Variants in GPAM observed in about 807,000 individuals in gnomAD.
The protein encoded by GPAM is glycerol-3-phosphate acyltransferase, mitochondrial.
Under a neutral mutation model 105.0 loss-of-function variants are expected in GPAM, and 56 were observed. The observed-to-expected ratio is 0.53, with a 90% CI of 0.43 to 0.67. GPAM has a LOEUF of 0.67. GPAM is among the 30% of genes least tolerant of loss of function. The pLI is 0.00. For missense variants in GPAM, 855 were observed against 989.8 expected, an observed-to-expected ratio of 0.86 and a Z score of 1.83; for synonymous variants, 368 against 354.4, an observed-to-expected ratio of 1.04 and a Z score of -0.43.
At chr10:112,154,544 C>G in intron 21 of GPAM, 85 bp downstream of exon 21, 1 of 1,014,158 alleles carries the variant, frequency 9.9e-7, no homozygotes, top group Non-Finnish European at 1.6e-6. Flanking sequence ...GGGGTCCACC[C>G]CACCACAAAG....
chr10:112,161,619 A>C, intron 15 of GPAM, 48 bp downstream of exon 15: 1 of 1,477,656 alleles, frequency 6.8e-7, no homozygotes, highest in African/African-American at 1.4e-5. Context: ...CAGCTGACAA[A>C]ACATTCTCCT....
Position 112,163,769 on chromosome 10 carries a change from G to A in GPAM, c.1355C>T (p.Ser452Phe), listed in dbSNP as rs778165654. Reference sequence around the variant, plus strand: ...TAGGGATTCATCTGTTGCATTTCTGGACTCATTAATGGACGTGTCTCTACC... The same window carrying A: ...TAGGGATTCATCTGTTGCATTTCTGAACTCATTAATGGACGTGTCTCTACC... ...DEGRDTSINESRNATDESLRR... is the reference protein window; with the variant it reads ...DEGRDTSINEFRNATDESLRR... Residue 452 changes from serine to phenylalanine, a missense_variant, in exon 14 of 22, where the codon TCC (serine) becomes TTC (phenylalanine). Ser to Phe is a radical substitution (Grantham distance 155, BLOSUM62 -2). Coordinates refer to ENST00000348367, the MANE Select transcript of GPAM (RefSeq NM_001244949.2). 6.2e-7 allele frequency: 1 copy of A among 1,607,162 alleles called. No homozygotes were observed. The highest frequency in any genetic ancestry group is 1.1e-5 in the South Asian group (1 of 90,926).
the GPAM span, among the ~76,000 whole-genome samples, chr10:112,226,423 G>A: frequency 1.3e-5 from 2 of 152,142 alleles, no homozygotes; most frequent in African/African-American, 2.4e-5. Context: ...AATAGAAAAG[G>A]AGGCTCAGAA....
chr10:112,225,127 A>G, the GPAM span, among the ~76,000 whole-genome samples: 7 of 152,294 alleles, frequency 4.6e-5, no homozygotes, highest in African/African-American at 1.7e-4. Flanking sequence ...AATGGGGTGG[A>G]TGGCACCCCA....
intron 9 of GPAM, 110 bp downstream of exon 9, chr10:112,172,072 A>G (rs1482729424): frequency 1.2e-6 from 1 of 829,908 alleles, no homozygotes; most frequent in Non-Finnish European, 1.9e-6. Flanking sequence ...ATAAAAGAAA[A>G]AAGGCTAATG....
intron 1 of GPAM, among the ~76,000 whole-genome samples, chr10:112,191,785 G>A (rs1192793332): frequency 6.6e-6 from 1 of 152,182 alleles, no homozygotes; most frequent in African/African-American, 2.4e-5. Context: ...AGAAAAGAGT[G>A]GAGGCCAGAA....
chr10:112,181,984 AAC>A (rs1456687340), intron 2 of GPAM, among the ~76,000 whole-genome samples, 171 bp from the exon 3 acceptor site: 4 of 152,140 alleles, frequency 2.6e-5, no homozygotes, highest in African/African-American at 7.2e-5. Context: ...TGTTTATATG[AAC>A]ACAGTTAGGC....
At chr10:112,168,727 T>C in intron 10 of GPAM, 126 bp downstream of exon 10, 1 of 774,578 alleles carries the variant, frequency 1.3e-6, no homozygotes, top group South Asian at 1.5e-5. Context: ...ATTACCAAAC[T>C]CAAGCAATAA....
intron 1 of GPAM, among the ~76,000 whole-genome samples, chr10:112,194,265 G>A (rs1564688106): frequency 1.3e-5 from 2 of 152,168 alleles, no homozygotes; most frequent in Non-Finnish European, 2.9e-5. Flanking sequence ...CTAAACATTT[G>A]TGAACAGCTC....
chr10:112,186,583 G>T (rs763162034), upstream of GPAM, among the ~76,000 whole-genome samples: 1 of 152,012 alleles, frequency 6.6e-6, no homozygotes, highest in Non-Finnish European at 1.5e-5. Context: ...CTGTCACCCA[G>T]GCTGGAGTGC....
At chr10:112,165,039 A>T (rs1417146696) in intron 12 of GPAM, among the ~76,000 whole-genome samples, 1 of 152,186 alleles carries the variant, frequency 6.6e-6, no homozygotes, top group Non-Finnish European at 1.5e-5. Flanking sequence ...AAGCTATGTG[A>T]CCATTTAAAA....
Position 112,150,356 on chromosome 10 carries a change from T to C in GPAM, c.*3194A>G. ...ACCCCAATTCATCCATGTATTCTGA[T>C]ACGTTCAGTGAAAAAGCCAGGATCA... On this transcript the variant is annotated 3_prime_UTR_variant, in exon 22 of 22. Transcript: ENST00000348367. 3 of 985,236 alleles carry C rather than the reference T, an allele frequency of 3.0e-6. No homozygotes were observed. Among genetic ancestry groups the C allele is most frequent in the Non-Finnish European group, 3.6e-6 (3 of 829,334 alleles). The allele number at this position is 985,236 out of a possible 1,614,324, so 61.0% of individuals were successfully genotyped here.
chr10:112,164,141 T>G (rs1438996228), intron 13 of GPAM, among the ~76,000 whole-genome samples: 1 of 152,222 alleles, frequency 6.6e-6, no homozygotes. Context: ...AGGCTTCATA[T>G]TCAATTTCTC....
At chr10:112,168,276 G>T (rs748672823) in intron 11 of GPAM, 36 bp downstream of exon 11, 1 of 1,181,460 alleles carries the variant, frequency 8.5e-7, no homozygotes, top group South Asian at 1.2e-5. Flanking sequence ...TAAAAGACTT[G>T]ATAAGCAAAG....
intron 1 of GPAM, among the ~76,000 whole-genome samples, chr10:112,200,597 A>G (rs938410963): frequency 1.3e-5 from 2 of 152,030 alleles, no homozygotes; most frequent in Non-Finnish European, 2.9e-5. Context: ...CGGCTTTGTA[A>G]GGGAAATATT....
Position 112,151,221 on chromosome 10 carries a change from T to C in GPAM, c.*2329A>G, listed in dbSNP as rs1274454323. On this transcript the variant is annotated 3_prime_UTR_variant, in exon 22 of 22. Transcript: ENST00000348367. The stretch of plus-strand genomic sequence containing the variant: ...TAATAAATTATTTACAAGCACCTAG[T>C]TTGTTTAACCTTATGTGGAAGCCAT... 5.1e-6 allele frequency: 5 copies of C among 985,212 alleles called. No homozygotes were observed. In the African/African-American group the frequency reaches 8.7e-5, roughly 17 times the overall value. 61.0% of individuals were successfully genotyped at this position (985,212 alleles called of 1,614,324 possible). A position where few individuals can be genotyped will look rare whatever the true frequency, so the allele number is the denominator to read the frequency against.
In GPAM at chr10:112,153,339, C is replaced by A; in HGVS notation, c.*211G>T. 6.9e-7 allele frequency: 1 copy of A among 1,454,122 alleles called. No individual in the cohort carries two copies. Among genetic ancestry groups the A allele is most frequent in the South Asian group, 1.4e-5 (1 of 70,046 alleles). The allele number at this position is 1,454,122 out of a possible 1,614,324, so 90.1% of individuals were successfully genotyped here. Reference sequence around the variant, plus strand: ...ATGAGTTGCGAATAGAGGCTGAGGTCCCCCCAAGTGTTATCTGCAGGCTGC... The same window carrying A: ...ATGAGTTGCGAATAGAGGCTGAGGTACCCCCAAGTGTTATCTGCAGGCTGC... On this transcript the variant is annotated 3_prime_UTR_variant, in exon 22 of 22. Transcript: ENST00000348367.
chr10:112,214,889 G>A (rs567584620), intron 1 of GPAM, among the ~76,000 whole-genome samples: 5 of 152,252 alleles, frequency 3.3e-5, no homozygotes, highest in East Asian at 3.9e-4. Flanking sequence ...GCAAAAACTC[G>A]GGAAGGATTT....
rs1430717831 is a variant in GPAM at position 112,151,917 on chromosome 10, A to G, written c.*1633T>C. On this transcript the variant is annotated 3_prime_UTR_variant, in exon 22 of 22. Transcript: ENST00000348367. The stretch of plus-strand genomic sequence containing the variant: ...AGCTACTACAACTGACAATGACTTC[A>G]TGGTATACATCAATTCCTATAAAGA... The G allele has an allele frequency of 2.0e-6, 2 of 976,220 alleles. No homozygotes were observed. Among genetic ancestry groups the G allele is most frequent in the Non-Finnish European group, 2.4e-6 (2 of 821,714 alleles). The allele number at this position is 976,220 out of a possible 1,614,324, so 60.5% of individuals were successfully genotyped here.
Sources: gnomAD v4.1 joint callset for allele counts (sites outside exome capture counted in the v4.1 genomes callset) on GRCh38, gnomAD v4.1.1 for gene constraint, MANE v1.5 for transcripts, NCBI Gene and HGNC (gene_info 2026-07-23, HGNC 2026-07-21) for gene names.